The following CRTC2 variants were observed in gnomAD, a reference collection of about 807,000 sequenced individuals.
The protein encoded by CRTC2 is CREB regulated transcription coactivator 2.
CRTC2 carries 25 observed loss-of-function variants against 70.9 expected under a neutral mutation model. The observed-to-expected ratio is 0.35, with a 90% CI of 0.26 to 0.49. CRTC2 has a LOEUF of 0.49. Among genes scored for constraint, CRTC2 ranks in the 20% least tolerant of loss-of-function variants. CRTC2 has a pLI of 0.98. For synonymous variants in CRTC2, 330 were observed against 364.1 expected, an observed-to-expected ratio of 0.91 and a Z score of 1.07; for missense variants, 737 against 882.6, an observed-to-expected ratio of 0.83 and a Z score of 2.09.
At chr1:153,953,973 C>T (rs1680490242) in intron 4 of CRTC2, among the ~76,000 whole-genome samples, 1 of 152,158 alleles carries the variant, frequency 6.6e-6, no homozygotes, top group African/African-American at 2.4e-5. Flanking sequence ...GCCCCTCTGC[C>T]ATTCTCCCCT....
chr1:153,954,999 A>C lies in CRTC2; in HGVS notation c.256-10T>G, dbSNP rs753252003. 6.2e-7 allele frequency: 1 copy of C among 1,613,032 alleles called. No homozygotes were observed. The highest frequency in any genetic ancestry group is 2.2e-5 in the East Asian group (1 of 44,844). On this transcript the variant is annotated splice_polypyrimidine_tract_variant and intron_variant, in intron 2 of 13. Transcript: ENST00000368633. ...GTGAGTGGAGGGGGCTCTGCCAAAA[A>C]GGACAGAAGTCAGCAGAGGAAGCAG...
Position 153,951,392 on chromosome 1 carries a change from G to A in CRTC2, c.1272C>T (p.Ser424=), listed in dbSNP as rs1179979080. The A allele has an allele frequency of 1.9e-6, 3 of 1,610,496 alleles. No homozygotes were observed. The highest frequency in any genetic ancestry group is 1.1e-5 in the South Asian group (1 of 90,766). ...TGAGGGGCACACGGCGGTGGTGGGGGGAGGCCCCAGGGGTAGAAGCAGGGT... is the reference window on the plus strand; with the variant it reads ...TGAGGGGCACACGGCGGTGGTGGGGAGAGGCCCCAGGGGTAGAAGCAGGGT... ...PSYPASTPGA[S]PHHRRVPLSP... is the part of the protein sequence containing the mutation. Residue 424 remains serine, a synonymous_variant, in exon 11 of 14, where the codon TCC becomes TCT. Transcript: ENST00000368633.
At chr1:153,956,578 C>A (rs899275351) in intron 1 of CRTC2, among the ~76,000 whole-genome samples, 1 of 152,118 alleles carries the variant, frequency 6.6e-6, no homozygotes, top group Admixed American at 6.5e-5. Context: ...GGAGGTCAGC[C>A]TAGTGAGCAC....
intron 1 of CRTC2, among the ~76,000 whole-genome samples, chr1:153,957,867 C>A (rs776636906): frequency 5.3e-5 from 8 of 152,106 alleles, no homozygotes; most frequent in Non-Finnish European, 1.0e-4. Flanking sequence ...ACCGCTCGTT[C>A]AAACCACTCA....
At chr1:153,948,806 G>T in intron 12 of CRTC2, 162 bp from the exon 13 acceptor site, 1 of 842,062 alleles carries the variant, frequency 1.2e-6, no homozygotes, top group East Asian at 2.6e-5. Flanking sequence ...AGCGAGCACG[G>T]GGCCCGAAGT....
intron 1 of CRTC2, among the ~76,000 whole-genome samples, chr1:153,955,436 G>A (rs979154080): frequency 1.5e-4 from 23 of 151,562 alleles, no homozygotes; most frequent in African/African-American, 4.6e-4. Context: ...GCGTGGTGGC[G>A]GGCGCCTGTA....
Position 153,952,079 on chromosome 1 carries a change from G to A in CRTC2, c.936C>T (p.His312=), listed in dbSNP as rs1476307940. 1 of 1,614,042 alleles carries A rather than the reference G, an allele frequency of 6.2e-7. No homozygotes were observed. The highest frequency in any genetic ancestry group is 1.3e-5 in the African/African-American group (1 of 74,926). ...TGCTGATGCCCAGGTGAGTCATGGT[G>A]TGGGTCAAATTGGAGGTACTGTTGC... ...SGGNSTSNLT[H]TMTHLGISRG... The change falls in exon 10 of 14, where the codon CAC becomes CAT. Residue 312 remains histidine (H), a synonymous_variant. Transcript: ENST00000368633.
At chr1:153,956,522 C>T (rs1320068897) in intron 1 of CRTC2, among the ~76,000 whole-genome samples, 2 of 152,322 alleles carry the variant, frequency 1.3e-5, no homozygotes, top group East Asian at 3.9e-4. Flanking sequence ...CTTCCAGGGT[C>T]ACACTCTTGT....
intron 13 of CRTC2, 27 bp from the exon 14 acceptor site, chr1:153,948,356 C>T (rs748136492): frequency 1.2e-6 from 2 of 1,613,214 alleles, no homozygotes; most frequent in South Asian, 1.1e-5. Flanking sequence ...CAGGTGAGGA[C>T]CCCATGTCCT....
chr1:153,952,287 G>C, intron 9 of CRTC2, 25 bp from the exon 10 acceptor site: 2 of 1,597,036 alleles, frequency 1.3e-6, no homozygotes, highest in Non-Finnish European at 1.7e-6. Flanking sequence ...GAAAAAGAAA[G>C]ATGTAAATAG....
rs754888963 is a variant in CRTC2, at chr1:153,949,125, T to A, written c.1664A>T (p.Asn555Ile). Residue 555 changes from asparagine (N) to isoleucine (I), a missense_variant, in exon 12 of 14, where the codon AAC becomes ATC. Physicochemically the swap from Asn to Ile is moderately radical, Grantham distance 149. Around this residue, in one of 3 missense-constraint regions of CRTC2, gnomAD observed 699 missense variants for 823.7 expected, o/e 0.85. Transcript: ENST00000368633. ...QSYHRPMSDF[N>I]LGNLEQFSME... ...AGCCTGAGTACTCACATTCCCCAGGTTGAAGTCACTCATTGGCCGGTGGTA... is the reference window on the plus strand; with the variant it reads ...AGCCTGAGTACTCACATTCCCCAGGATGAAGTCACTCATTGGCCGGTGGTA... 1 of 1,607,708 alleles carries A rather than the reference T, an allele frequency of 6.2e-7. No homozygotes were observed. The highest frequency in any genetic ancestry group is 1.3e-5 in the African/African-American group (1 of 74,786).
intron 7 of CRTC2, 69 bp from the exon 8 acceptor site, chr1:153,952,704 G>A: frequency 1.2e-6 from 2 of 1,607,122 alleles, no homozygotes; most frequent in Non-Finnish European, 1.7e-6. Flanking sequence ...GGAAGCAGAA[G>A]CAGGTGGGAA....
Position 153,955,131 on chromosome 1 carries a change from C to T in CRTC2, c.189G>A (p.Arg63=), listed in dbSNP as rs1557871391. The change falls in exon 2 of 14, where the codon AGG becomes AGA. Residue 63 remains arginine (R), a synonymous_variant. Coordinates refer to ENST00000368633, the MANE Select transcript of CRTC2 (RefSeq NM_181715.3). The part of the protein sequence containing the change: ...QAQKLRLAYT[R]SSHYGGSLPN... ...GCAGAGACCCACCATAATGAGAGCTCCTTGTGTATGCCAGTCGCAGTTTTT... is the reference window on the plus strand; with the variant it reads ...GCAGAGACCCACCATAATGAGAGCTTCTTGTGTATGCCAGTCGCAGTTTTT... 1 of 1,614,022 alleles carries T rather than the reference C, an allele frequency of 6.2e-7. No individual in the cohort carries two copies. The highest frequency in any genetic ancestry group is 8.5e-7 in the Non-Finnish European group (1 of 1,179,916).
chr1:153,952,017 C>T lies in CRTC2; in HGVS notation c.997+1G>A. ...GGCACATGGCCAGGACAGTCACTCA[C>T]CTGGTGCATCATAGCCTGGGCCCAG... On this transcript the variant is annotated splice_donor_variant, in intron 10 of 13. Transcript: ENST00000368633. LOFTEE classifies it high-confidence loss of function. 6.2e-7 allele frequency: 1 copy of T among 1,612,306 alleles called. No homozygotes were observed. The highest frequency in any genetic ancestry group is 8.5e-7 in the Non-Finnish European group (1 of 1,179,422).
chr1:153,953,974 A>C (rs1209497675), intron 4 of CRTC2, among the ~76,000 whole-genome samples: 2 of 151,982 alleles, frequency 1.3e-5, no homozygotes, highest in African/African-American at 4.8e-5. Context: ...CCCCTCTGCC[A>C]TTCTCCCCTC....
At position 153,948,172 on chromosome 1, in the gene CRTC2, G is replaced by A; in HGVS notation, c.2019C>T (p.Asp673=). ...LGLEGLNMLS[D]PCALLPDPAV... is the part of the protein sequence containing the mutation. ...CAGGATCAGGCAGCAGGGCACAGGG[G>A]TCACTCAGCATGTTTAGCCCTTCCA... The change falls in exon 14 of 14, where the codon GAC becomes GAT. Residue 673 remains aspartate, a synonymous_variant. Transcript: ENST00000368633. 6.2e-7 allele frequency: 1 copy of A among 1,614,196 alleles called. No homozygotes were observed. Among genetic ancestry groups the A allele is most frequent in the Non-Finnish European group, 8.5e-7 (1 of 1,180,032 alleles).
At chr1:153,954,773 G>A (rs1680537629) in intron 3 of CRTC2, 100 bp downstream of exon 3, 1 of 1,020,376 alleles carries the variant, frequency 9.8e-7, no homozygotes, top group African/African-American at 1.6e-5. Context: ...AGCTCCAAGA[G>A]AAGGAAGGGA....
Position 153,953,542 on chromosome 1 carries a change from T to G in CRTC2, c.499A>C (p.Asn167His). Residue 167 changes from asparagine to histidine, a missense_variant, in exon 5 of 14, where the codon AAC becomes CAC. Coordinates refer to ENST00000368633, the MANE Select transcript of CRTC2 (RefSeq NM_181715.3). ...GQLFRLPSALNRTSSDSALHT... is the reference protein window; with the variant it reads ...GQLFRLPSALHRTSSDSALHT... The stretch of plus-strand genomic sequence containing the variant: ...AAAGAAGGCAAAAGCCATCACCTGT[T>G]AAGTGCAGATGGTAGTCGAAACAAC... 1 of 1,610,954 alleles carries G rather than the reference T, an allele frequency of 6.2e-7. No homozygotes were observed. Among genetic ancestry groups the G allele is most frequent in the Admixed American group, 1.7e-5 (1 of 59,812 alleles).
chr1:153,953,069 G>C, intron 6 of CRTC2, 197 bp downstream of exon 6: 1 of 592,738 alleles, frequency 1.7e-6, no homozygotes, highest in Non-Finnish European at 2.9e-6. Flanking sequence ...TGTAATCCCA[G>C]CTACTCAGGA....
Sources: allele counts gnomAD v4.1 joint callset (sites outside exome capture counted in the v4.1 genomes callset), GRCh38; gene constraint gnomAD v4.1.1; regional missense constraint gnomAD v4.1.1; transcripts MANE v1.5; gene names NCBI Gene and HGNC (gene_info 2026-07-23, HGNC 2026-07-21).